Variants in DNAH5 observed in about 807,000 individuals in gnomAD.
The protein encoded by DNAH5 is axonemal beta dynein heavy chain 5.
DNAH5 carries 372 observed loss-of-function variants against 518.2 expected under a neutral mutation model. That is an observed-to-expected ratio of 0.72 (90% CI 0.66 to 0.78). DNAH5 has a LOEUF of 0.78. Among genes scored for constraint, DNAH5 ranks in the 30% least tolerant of loss-of-function variants. The pLI is 0.00. For synonymous variants in DNAH5, 2,039 were observed against 2,025.9 expected (o/e 1.01, Z -0.17); for missense variants, 5,523 against 5,687.0 (o/e 0.97, Z 0.93).
At chr5:14,006,419 A>C (rs1561076035) in intron 1 of DNAH5, among the ~76,000 whole-genome samples, 1 of 152,172 alleles carries the variant, frequency 6.6e-6, no homozygotes, top group African/African-American at 2.4e-5. Flanking sequence ...TCTGGAAGCC[A>C]CAAGTCCAAG....
intron 61 of DNAH5, among the ~76,000 whole-genome samples, chr5:13,756,851 C>T (rs1751059316): frequency 6.6e-6 from 1 of 152,190 alleles, no homozygotes; most frequent in African/African-American, 2.4e-5. Context: ...TCCTCTCCCT[C>T]TTCCCATCCT....
chr5:13,980,551 C>T (rs537521493), intron 1 of DNAH5, among the ~76,000 whole-genome samples: 19 of 152,254 alleles, frequency 1.2e-4, no homozygotes, highest in African/African-American at 4.6e-4. Context: ...ACTTCTAACC[C>T]ACCCTGAAAC....
chr5:13,828,366 T>C (rs1335899207), intron 38 of DNAH5, among the ~76,000 whole-genome samples: 1 of 152,264 alleles, frequency 6.6e-6, no homozygotes, highest in African/African-American at 2.4e-5. Context: ...CTCATGTTTA[T>C]TGCACTGTGT....
intron 5 of DNAH5, among the ~76,000 whole-genome samples, chr5:13,921,264 G>A (rs6869548): frequency 0.43 from 64,677 of 151,618 alleles, 14,465 homozygotes; most frequent in East Asian, 0.85. Context: ...TTTGGAAAGC[G>A]TAATGCCCCT....
At chr5:13,874,273 A>C (rs1250135697) in intron 22 of DNAH5, among the ~76,000 whole-genome samples, 1 of 152,216 alleles carries the variant, frequency 6.6e-6, no homozygotes, top group Admixed American at 6.5e-5. Flanking sequence ...AATGGATAGA[A>C]GTTCCAGAAT....
At chr5:13,761,245 TGACAACAATA>T (rs1751727113) in intron 60 of DNAH5, among the ~76,000 whole-genome samples, 1 of 152,180 alleles carries the variant, frequency 6.6e-6, no homozygotes, top group Non-Finnish European at 1.5e-5. Flanking sequence ...GTACTTAAAA[TGACAACAATA>T]ACAGAAAAAA....
At chr5:13,871,199 A>T (rs1174934355) in intron 23 of DNAH5, among the ~76,000 whole-genome samples, 197 bp from the exon 24 acceptor site, 2 of 152,178 alleles carry the variant, frequency 1.3e-5, no homozygotes, top group Non-Finnish European at 2.9e-5. Flanking sequence ...TTTTACAACA[A>T]CTCAACACAC....
intron 31 of DNAH5, among the ~76,000 whole-genome samples, chr5:13,850,274 C>T (rs1248550555): frequency 3.3e-5 from 5 of 151,320 alleles, no homozygotes; most frequent in Non-Finnish European, 7.4e-5. Context: ...TAATATAATC[C>T]TGACTGCATG....
Position 13,988,545 on chromosome 5 carries a change from G to A in DNAH5, c.12+23103C>T, listed in dbSNP as rs558110149. Among the ~76,000 whole-genome samples the A allele has an allele frequency of 2.6e-5, 4 of 151,796 alleles. No homozygotes were observed. In the South Asian group the frequency reaches 8.3e-4, roughly 32 times the overall value. On this transcript the variant is annotated intron_variant, in intron 1 of 78. Transcript: ENST00000681290. ...TGATTCTCCTGCCTCAGCCTCCAGAGTAGCTGGGATTACAGGTGTGCACCA... is the reference window on the plus strand; with the variant it reads ...TGATTCTCCTGCCTCAGCCTCCAGAATAGCTGGGATTACAGGTGTGCACCA...
At chr5:13,825,363 A>G (rs1762764825) in intron 38 of DNAH5, among the ~76,000 whole-genome samples, 1 of 151,942 alleles carries the variant, frequency 6.6e-6, no homozygotes, top group African/African-American at 2.4e-5. Context: ...ATAAATAAAT[A>G]AATAAATAAA....
rs150627172 is a variant in DNAH5, at chr5:13,916,469, C to A, written c.1090-14G>T. 3.4e-4 allele frequency: 482 copies of A among 1,421,804 alleles called. No homozygotes were observed. Among genetic ancestry groups the A allele is most frequent in the Middle Eastern group, 3.2e-3 (16 of 4,964 alleles). The allele number at this position is 1,421,804 out of a possible 1,614,324, so 88.1% of individuals were successfully genotyped here. A position where few individuals can be genotyped will look rare whatever the true frequency, so the allele number is the denominator to read the frequency against. On this transcript the variant is annotated splice_polypyrimidine_tract_variant and intron_variant, in intron 8 of 78. Transcript: ENST00000265104. ...CATCATGGATAGCTGAAAGATATCA[C>A]CAAAGTTTTCAGAAAAAATCATCAA...
Position 13,808,061 on chromosome 5 carries a change from C to G in DNAH5, c.7753-336G>C, listed in dbSNP as rs140440143. Among the ~76,000 whole-genome samples, 577 of 151,990 alleles carry G rather than the reference C, an allele frequency of 3.8e-3. 3 individuals are homozygous for G. Among genetic ancestry groups the G allele is most frequent in the African/African-American group, 0.013 (546 of 41,420 alleles). ...CCTGGCCAACATGGTGAAACCCCAT[C>G]TGTACTAAAAATACAAAAATTAGCC... On this transcript the variant is annotated intron_variant, in intron 46 of 78. Coordinates refer to ENST00000265104, the MANE Select transcript of DNAH5 (RefSeq NM_001369.3).
intron 43 of DNAH5, among the ~76,000 whole-genome samples, chr5:13,812,481 AT>A (rs1760846865): frequency 6.6e-6 from 1 of 151,840 alleles, no homozygotes; most frequent in Non-Finnish European, 1.5e-5. Context: ...AATTTTTGTA[AT>A]TTTTGTCGAG....
At chr5:13,713,124 T>TATATATATATATATATATACACACACAC (rs1554018603) in intron 75 of DNAH5, among the ~76,000 whole-genome samples, 2 of 146,562 alleles carry the variant, frequency 1.4e-5, no homozygotes, top group African/African-American at 5.1e-5. Context: ...TATATATATA[T>TATATATATATATATATATACACACACAC]ACACACACAC....
chr5:13,703,766 A>G (rs1355669761), intron 76 of DNAH5, among the ~76,000 whole-genome samples: 1 of 152,104 alleles, frequency 6.6e-6, no homozygotes, highest in Non-Finnish European at 1.5e-5. Context: ...CTCCCAGGAG[A>G]TAAAGAAATT....
chr5:13,906,502 TCAAAAGACCC>T (rs1775317735), intron 12 of DNAH5, among the ~76,000 whole-genome samples: 1 of 152,132 alleles, frequency 6.6e-6, no homozygotes, highest in African/African-American at 2.4e-5. Context: ...TATAGTGACA[TCAAAAGACCC>T]CAAATCCAGA....
chr5:13,846,671 G>A (rs1766054254), intron 31 of DNAH5, among the ~76,000 whole-genome samples: 1 of 152,288 alleles, frequency 6.6e-6, no homozygotes, highest in African/African-American at 2.4e-5. Context: ...GAAAGAAATG[G>A]ACATGTGTAC....
intron 29 of DNAH5, among the ~76,000 whole-genome samples, chr5:13,860,737 T>C (rs1202634329): frequency 6.6e-6 from 1 of 152,214 alleles, no homozygotes; most frequent in African/African-American, 2.4e-5. Flanking sequence ...AGTGTTATAT[T>C]AGCCATTTTG....
At chr5:13,713,150 G>A (rs1450541528) in intron 75 of DNAH5, among the ~76,000 whole-genome samples, 3 of 131,426 alleles carry the variant, frequency 2.3e-5, no homozygotes, top group African/African-American at 5.7e-5. Context: ...TATATATACC[G>A]ACATATATAT....
Sources: gnomAD v4.1 joint callset for allele counts (sites outside exome capture counted in the v4.1 genomes callset) on GRCh38, gnomAD v4.1.1 for gene constraint, MANE v1.5 for transcripts, NCBI Gene and HGNC (gene_info 2026-07-23, HGNC 2026-07-21) for gene names.